The following SNRPN variants were observed in gnomAD, a reference collection of about 807,000 sequenced individuals.
The protein encoded by SNRPN is small nuclear ribonucleoprotein polypeptide N, also known as small nuclear ribonucleoprotein-associated protein N.
In SNRPN, 7 loss-of-function variants were observed where a neutral mutation model predicts 25.2. The observed-to-expected ratio is 0.28, with a 90% CI of 0.16 to 0.52. The LOEUF is 0.52. SNRPN is among the 20% of genes least tolerant of loss of function. The pLI is 0.96. For synonymous variants in SNRPN, 124 were observed against 110.6 expected, an observed-to-expected ratio of 1.12 and a Z score of -0.76; for missense variants, 196 against 322.5, an observed-to-expected ratio of 0.61 and a Z score of 3.00.
chr15:24,970,952 A>G (rs749336431), intron 3 of SNRPN, among the ~76,000 whole-genome samples: 9 of 152,116 alleles, frequency 5.9e-5, no homozygotes, highest in Admixed American at 1.3e-4. Context: ...GAGGATCTCT[A>G]TGGAGACCCT....
chr15:24,838,237 G>A (rs533757402), intron 2 of SNRPN, among the ~76,000 whole-genome samples: 28 of 151,024 alleles, frequency 1.9e-4, no homozygotes, highest in Admixed American at 4.0e-4. Context: ...GGGTTTCACC[G>A]CGTTAGCCAG....
chr15:24,862,424 G>C (rs2054069325), intron 1 of SNRPN, among the ~76,000 whole-genome samples: 1 of 150,674 alleles, frequency 6.6e-6, no homozygotes, highest in African/African-American at 2.5e-5. Context: ...ACAGAAGAGA[G>C]CACAAGAAAC....
chr15:24,868,645 C>G (rs1446552464), intron 1 of SNRPN, among the ~76,000 whole-genome samples: 1 of 152,144 alleles, frequency 6.6e-6, no homozygotes, highest in African/African-American at 2.4e-5. Context: ...CAGATCTTCT[C>G]CAACCTGCAA....
At chr15:24,913,641 G>A (rs796168334) in intron 2 of SNRPN, among the ~76,000 whole-genome samples, 4 of 130,372 alleles carry the variant, frequency 3.1e-5, no homozygotes, top group African/African-American at 1.3e-4. Context: ...GTGAGACTCC[G>A]TCTCAAAAAA....
chr15:24,907,774 GC>G (rs2151950561), intron 2 of SNRPN, among the ~76,000 whole-genome samples: 1 of 152,012 alleles, frequency 6.6e-6, no homozygotes, highest in Non-Finnish European at 1.5e-5. Flanking sequence ...CACAGAGTAG[GC>G]CAGGCGCGGT....
intron 2 of SNRPN, among the ~76,000 whole-genome samples, chr15:24,906,152 G>T (rs1272400903): frequency 6.6e-6 from 1 of 152,130 alleles, no homozygotes; most frequent in Non-Finnish European, 1.5e-5. Context: ...TTGAGACAAG[G>T]TCTGGCTTTG....
chr15:24,935,770 C>T (rs1361539839), intron 3 of SNRPN, among the ~76,000 whole-genome samples: 1 of 152,094 alleles, frequency 6.6e-6, no homozygotes, highest in Non-Finnish European at 1.5e-5. Context: ...GTCCTTCTTG[C>T]TTCTGGAAAA....
At position 24,978,093 on chromosome 15, in the gene SNRPN, CATT is replaced by C. The variant is rs549704572; in HGVS notation, c.560-99_560-97del. 1,367 of 1,315,588 alleles carry C rather than the reference CATT, an allele frequency of 1.0e-3. 8 individuals carry two copies. In the African/African-American group the frequency reaches 0.017, roughly 17 times the overall value. 81.5% of individuals were successfully genotyped at this position (1,315,588 alleles called of 1,614,324 possible). ...TCATATAGAAGTTATTTGACTCTAT[CATT>C]GTTGTCTGGCCCATTTCTTTAGGGA... On this transcript the variant is annotated intron_variant, in intron 8 of 9. Coordinates refer to ENST00000390687, the MANE Select transcript of SNRPN (RefSeq NM_003097.6).
At chr15:24,963,582 T>A (rs748555436) in intron 2 of SNRPN, among the ~76,000 whole-genome samples, 8 of 150,424 alleles carry the variant, frequency 5.3e-5, no homozygotes, top group Non-Finnish European at 8.8e-5. Flanking sequence ...ACCACTGCAC[T>A]CTAGCCTGGG....
rs77189619 is a variant in SNRPN at position 24,960,827 on chromosome 15, T to C, written c.-390-1287T>C. 5.2e-3 allele frequency among the ~76,000 whole-genome samples: 786 copies of C among 152,288 alleles called. 5 individuals carry two copies. Among genetic ancestry groups the C allele is most frequent in the African/African-American group, 0.018 (744 of 41,558 alleles). ...GTGAGTGACATACAAAAGCTGTAGA[T>C]AGTTAATGTTAAAAGTTGATATGCT... On this transcript the variant is annotated intron_variant, in intron 1 of 9. Transcript: ENST00000390687.
intron 2 of SNRPN, chr15:24,849,791 AGATT>A: frequency 6.6e-6 from 1 of 152,368 alleles, no homozygotes; most frequent in East Asian, 1.9e-4. Flanking sequence ...CAAAGATTTA[AGATT>A]GATCTAAATG....
intron 3 of SNRPN, among the ~76,000 whole-genome samples, chr15:24,921,880 A>G (rs2060040132): frequency 6.6e-6 from 1 of 151,850 alleles, no homozygotes; most frequent in African/African-American, 2.4e-5. Context: ...TTCCATTTCC[A>G]CCTGTTATAT....
intron 3 of SNRPN, among the ~76,000 whole-genome samples, chr15:24,926,760 C>T (rs375186665): frequency 1.3e-5 from 2 of 151,836 alleles, no homozygotes; most frequent in Admixed American, 6.6e-5. Context: ...ATCCCAGCAC[C>T]GTGGGAGGCT....
At chr15:24,875,411 G>A (rs17179228) in intron 1 of SNRPN, among the ~76,000 whole-genome samples, 1 of 152,114 alleles carries the variant, frequency 6.6e-6, no homozygotes, top group South Asian at 2.1e-4. Flanking sequence ...TTACACAATA[G>A]TCATGAAATT....
intron 2 of SNRPN, among the ~76,000 whole-genome samples, chr15:24,967,633 C>G (rs1263395344): frequency 2.1e-5 from 3 of 140,296 alleles, no homozygotes; most frequent in African/African-American, 8.1e-5. Flanking sequence ...CAGAGTGAGA[C>G]TCTGTCTTAA....
intron 1 of SNRPN, among the ~76,000 whole-genome samples, chr15:24,862,837 G>A (rs1431235512): frequency 6.6e-6 from 1 of 150,544 alleles, no homozygotes; most frequent in Non-Finnish European, 1.5e-5. Context: ...AAGGGAAGAG[G>A]AAACAGTGTG....
chr15:24,889,725 G>A (rs1472013768), intron 2 of SNRPN, among the ~76,000 whole-genome samples: 2 of 151,890 alleles, frequency 1.3e-5, no homozygotes, highest in Non-Finnish European at 2.9e-5. Context: ...TGTTCATGTT[G>A]TTGTTTCATA....
Position 24,908,137 on chromosome 15 carries a change from C to T in SNRPN, c.-504-11874C>T, listed in dbSNP as rs538291329. Among the ~76,000 whole-genome samples, 4 of 150,124 alleles carry T rather than the reference C, an allele frequency of 2.7e-5. No homozygotes were observed. In the East Asian group the frequency reaches 7.9e-4, roughly 30 times the overall value. On this transcript the variant is annotated intron_variant, in intron 2 of 11. Transcript: ENST00000400097. ...TACTAGACACAAATTATGCCAGTGA[C>T]TTGATGGCGTAATTGGACTTCCTGA... is the stretch of plus-strand genomic sequence containing the variant.
At chr15:24,976,172 G>T in intron 5 of SNRPN, 133 bp from the exon 6 acceptor site, 10 of 690,994 alleles carry the variant, frequency 1.4e-5, no homozygotes, top group Admixed American at 1.1e-4. Flanking sequence ...ATATTTTTTG[G>T]CTTGTTTTTC....
Sources: gnomAD v4.1 joint callset for allele counts (sites outside exome capture counted in the v4.1 genomes callset) on GRCh38, gnomAD v4.1.1 for gene constraint, MANE v1.5 for transcripts, NCBI Gene and HGNC (gene_info 2026-07-23, HGNC 2026-07-21) for gene names.